The following NALF1 variants were observed in gnomAD, a reference collection of about 807,000 sequenced individuals.
The protein encoded by NALF1 is family with sequence similarity 155 member A.
Under a neutral mutation model 48.4 loss-of-function variants are expected in NALF1, and 3 were observed. The ratio of observed to expected loss-of-function variants is 0.06; its 90% confidence interval spans 0.03 to 0.16. NALF1 has a LOEUF of 0.16. Ranked by LOEUF, NALF1 falls within the 10% of genes least tolerant of loss-of-function variation. The pLI, the probability that NALF1 is intolerant of heterozygous loss-of-function variation, is 1.00. For synonymous variants in NALF1, 262 were observed against 245.7 expected, an observed-to-expected ratio of 1.07 and a Z score of -0.62; for missense variants, 526 against 571.5, an observed-to-expected ratio of 0.92 and a Z score of 0.81.
At chr13:107,596,509 A>G (rs551279762) in intron 1 of NALF1, among the ~76,000 whole-genome samples, 2 of 152,332 alleles carry the variant, frequency 1.3e-5, no homozygotes, top group East Asian at 3.9e-4. Context: ...GTATGAGTTC[A>G]TGTCCTTTGC....
rs558292199 is a variant in NALF1, at chr13:107,434,673, A to G, written c.916-223918T>C. On this transcript the variant is annotated intron_variant, in intron 1 of 2. Coordinates refer to ENST00000375915, the MANE Select transcript of NALF1 (RefSeq NM_001080396.3). ...AAAACATGAAGTTGAAAATCAGCAA[A>G]TCTTTCTTTAAATTCTAGCTCTGCC... is the stretch of plus-strand genomic sequence containing the variant. Among the ~76,000 whole-genome samples the G allele has an allele frequency of 9.8e-5, 15 of 152,322 alleles. No individual in the cohort carries two copies. In the South Asian group the frequency reaches 2.9e-3, roughly 29 times the overall value.
chr13:107,588,155 C>A (rs1878508962), intron 1 of NALF1, among the ~76,000 whole-genome samples: 1 of 152,130 alleles, frequency 6.6e-6, no homozygotes, highest in South Asian at 2.1e-4. Context: ...CATCCAAGAG[C>A]TTCCAAAAGT....
chr13:107,229,041 T>A (rs1360073258), intron 1 of NALF1, among the ~76,000 whole-genome samples: 1 of 152,138 alleles, frequency 6.6e-6, no homozygotes, highest in Admixed American at 6.5e-5. Flanking sequence ...CCAACCAGCT[T>A]CTTAGAAGCT....
intron 2 of NALF1, among the ~76,000 whole-genome samples, chr13:107,183,925 T>A (rs115447316): frequency 0.017 from 2,538 of 152,188 alleles, 74 homozygotes; most frequent in African/African-American, 0.058. Context: ...TTTCCAACTT[T>A]ACCACTGTCT....
chr13:107,768,253 G>C (rs1208189269), intron 1 of NALF1, among the ~76,000 whole-genome samples: 1 of 152,046 alleles, frequency 6.6e-6, no homozygotes, highest in African/African-American at 2.4e-5. Context: ...CCCAATAAAT[G>C]GATAGTAATT....
At chr13:107,318,093 G>GA (rs1396439089) in intron 1 of NALF1, among the ~76,000 whole-genome samples, 1 of 151,984 alleles carries the variant, frequency 6.6e-6, no homozygotes, top group African/African-American at 2.4e-5. Flanking sequence ...CTGAGCATAA[G>GA]AACTCTGTCA....
intron 1 of NALF1, among the ~76,000 whole-genome samples, chr13:107,490,345 T>C (rs1885395439): frequency 6.6e-6 from 1 of 152,148 alleles, no homozygotes; most frequent in Non-Finnish European, 1.5e-5. Flanking sequence ...AGTGATAGAC[T>C]GGATAAAGAA....
chr13:107,475,944 G>T (rs958465914), intron 1 of NALF1, among the ~76,000 whole-genome samples: 3 of 152,174 alleles, frequency 2.0e-5, no homozygotes, highest in South Asian at 4.1e-4. Flanking sequence ...TAGTAAGAAA[G>T]AATGTGAGAA....
intron 1 of NALF1, among the ~76,000 whole-genome samples, chr13:107,853,007 TAATTA>T (rs1404255836): frequency 6.6e-6 from 1 of 151,824 alleles, no homozygotes; most frequent in Non-Finnish European, 1.5e-5. Context: ...TAAGATGAAT[TAATTA>T]AAAGTCATAT....
chr13:107,508,750 C>G (rs1420217772), intron 1 of NALF1, among the ~76,000 whole-genome samples: 2 of 151,972 alleles, frequency 1.3e-5, no homozygotes, highest in African/African-American at 4.8e-5. Context: ...CACACGCCCC[C>G]AATCTCACAA....
At chr13:107,674,398 C>T (rs543532667) in intron 1 of NALF1, among the ~76,000 whole-genome samples, 1 of 152,320 alleles carries the variant, frequency 6.6e-6, no homozygotes, top group African/African-American at 2.4e-5. Flanking sequence ...ACTTAGCCCT[C>T]GCTGGATCAC....
intron 1 of NALF1, among the ~76,000 whole-genome samples, chr13:107,709,622 G>T (rs1451865239): frequency 6.6e-6 from 1 of 152,176 alleles, no homozygotes; most frequent in South Asian, 2.1e-4. Context: ...TAAAATTCTG[G>T]TTTATCAATC....
At chr13:107,616,724 C>T (rs945495161) in intron 1 of NALF1, among the ~76,000 whole-genome samples, 4 of 152,162 alleles carry the variant, frequency 2.6e-5, no homozygotes, top group East Asian at 3.9e-4. Context: ...TGAGGTCATC[C>T]GAATATTGAT....
intron 1 of NALF1, among the ~76,000 whole-genome samples, chr13:107,223,050 A>T (rs559536996): frequency 6.6e-6 from 1 of 152,310 alleles, no homozygotes; most frequent in South Asian, 2.1e-4. Context: ...AGCAATAGAA[A>T]TTGGGCTAAT....
At chr13:107,476,101 T>C (rs553128936) in intron 1 of NALF1, among the ~76,000 whole-genome samples, 1 of 152,240 alleles carries the variant, frequency 6.6e-6, no homozygotes, top group South Asian at 2.1e-4. Context: ...CTTGAAAAAA[T>C]AGATATTTGA....
At chr13:107,278,393 A>G (rs992990851) in intron 1 of NALF1, among the ~76,000 whole-genome samples, 10 of 152,230 alleles carry the variant, frequency 6.6e-5, no homozygotes, top group African/African-American at 2.4e-4. Flanking sequence ...ATATGCAAAG[A>G]AGATAATGTA....
chr13:107,521,006 T>G (rs1456896865), intron 1 of NALF1, among the ~76,000 whole-genome samples: 1 of 152,174 alleles, frequency 6.6e-6, no homozygotes, highest in Non-Finnish European at 1.5e-5. Context: ...TTGAGGTACT[T>G]TCTCTAAGGT....
chr13:107,678,547 G>A (rs1881192382), intron 1 of NALF1, among the ~76,000 whole-genome samples: 1 of 152,184 alleles, frequency 6.6e-6, no homozygotes, highest in East Asian at 1.9e-4. Context: ...CCTGAACACT[G>A]CTTTCGTCTG....
At position 107,355,215 on chromosome 13, in the gene NALF1, C is replaced by T. The variant is rs1037970941; in HGVS notation, c.916-144460G>A. Among the ~76,000 whole-genome samples the T allele has an allele frequency of 5.3e-5, 8 of 152,204 alleles. No homozygotes were observed. In the South Asian group the frequency reaches 6.2e-4, roughly 12 times the overall value. On this transcript the variant is annotated intron_variant, in intron 1 of 2. Transcript: ENST00000375915. The stretch of plus-strand genomic sequence containing the variant: ...GCACAACGAGGTCTGCAAACCCCAA[C>T]GTTACAATTTGTCATCTTAGGGAAC...
Sources: allele counts gnomAD v4.1 joint callset (sites outside exome capture counted in the v4.1 genomes callset), GRCh38; gene constraint gnomAD v4.1.1; transcripts MANE v1.5; gene names NCBI Gene and HGNC (gene_info 2026-07-23, HGNC 2026-07-21).